The following RETSAT variants were observed in gnomAD, a reference collection of about 807,000 sequenced individuals.
RETSAT encodes the protein all-trans-retinol 13,14-reductase.
In RETSAT, 35 loss-of-function variants were observed where a neutral mutation model predicts 61.6. The ratio of observed to expected loss-of-function variants is 0.57; its 90% CI spans 0.43 to 0.75. The LOEUF (loss-of-function observed/expected upper bound fraction) is 0.75, where lower values mean the gene tolerates loss of function less well. Among genes scored for constraint, RETSAT ranks in the 30% least tolerant of loss-of-function variants. The pLI is 0.00. For synonymous variants in RETSAT, 277 were observed against 310.4 expected, an observed-to-expected ratio of 0.89 and a Z score of 1.13; for missense variants, 670 against 759.5, an observed-to-expected ratio of 0.88 and a Z score of 1.38.
chr2:85,354,229 G>C (rs774758325), intron 1 of RETSAT, 107 bp downstream of exon 1: 92 of 1,232,850 alleles, frequency 7.5e-5, no homozygotes, highest in Non-Finnish European at 9.6e-5. Context: ...TTTACATATG[G>C]GGAAACTAAG....
Position 85,343,707 on chromosome 2 carries a change from C to T in RETSAT, c.1625G>A (p.Gly542Asp), listed in dbSNP as rs1208906605. ...GACYGADHDL[G>D]RLHPCVMASL... ...GGCCATCACACAAGGGTGCAGGCGG[C>T]CCAGGTCATGGTCAGCCCCGTAGCA... Residue 542 changes from glycine (G) to aspartate (D), a missense_variant, in exon 10 of 11, where the codon GGC becomes GAC. Coordinates refer to ENST00000295802, the MANE Select transcript of RETSAT (RefSeq NM_017750.4). 6.2e-7 allele frequency: 1 copy of T among 1,614,130 alleles called. No individual in the cohort carries two copies. Among genetic ancestry groups the T allele is most frequent in the South Asian group, 1.1e-5 (1 of 91,084 alleles).
intron 5 of RETSAT, 148 bp from the exon 6 acceptor site, chr2:85,346,242 A>G (rs1683199611): frequency 1.0e-6 from 1 of 1,001,786 alleles, no homozygotes; most frequent in Admixed American, 2.4e-5. Context: ...GCCCCTGGGA[A>G]AATGCACAGT....
intron 1 of RETSAT, 96 bp downstream of exon 1, chr2:85,354,240 G>T: frequency 7.4e-7 from 1 of 1,359,228 alleles, no homozygotes; most frequent in Non-Finnish European, 1.0e-6. Context: ...GGAAACTAAG[G>T]CCCACGTCTG....
At position 85,347,005 on chromosome 2, in the gene RETSAT, C is replaced by T. The variant is rs76603094; in HGVS notation, c.998-911G>A. Among the ~76,000 whole-genome samples the T allele has an allele frequency of 2.4e-4, 36 of 152,238 alleles. No homozygotes were observed. In the East Asian group the frequency reaches 6.8e-3, roughly 29 times the overall value. On this transcript the variant is annotated intron_variant, in intron 5 of 10. Coordinates refer to ENST00000295802, the MANE Select transcript of RETSAT (RefSeq NM_017750.4). ...AAATGGCAGTTTCTTATTGTTCGACCTAATACTTCTGGATGCCTGAAAACA... is the reference window on the plus strand; with the variant it reads ...AAATGGCAGTTTCTTATTGTTCGACTTAATACTTCTGGATGCCTGAAAACA...
intron 6 of RETSAT, chr2:85,345,741 C>G (rs1271684917): frequency 1.5e-6 from 1 of 658,666 alleles, no homozygotes. Flanking sequence ...TCAGCCCTGC[C>G]CCTTTCAGCT....
rs1281159743 is a variant in RETSAT, at chr2:85,344,718, G to T, written c.1132C>A (p.Leu378Met). The change falls in exon 7 of 11, where the codon CTG becomes ATG. Residue 378 changes from leucine to methionine, a missense_variant. Coordinates refer to ENST00000295802, the MANE Select transcript of RETSAT (RefSeq NM_017750.4). ...ARCLPGVKQQ[L>M]GTVRPGLGMT... is the part of the protein sequence containing the mutation. The stretch of plus-strand genomic sequence containing the variant: ...CCTAAGCCGGGCCGCACCGTCCCCA[G>T]TTGCTGCTTCACACCTGCCAGGGGG... 2 of 1,614,034 alleles carry T rather than the reference G, an allele frequency of 1.2e-6. No individual in the cohort carries two copies. Among genetic ancestry groups the T allele is most frequent in the African/African-American group, 2.7e-5 (2 of 74,936 alleles).
rs750768086 is a variant in RETSAT at position 85,344,594 on chromosome 2, G to C, written c.1256C>G (p.Ala419Gly). 4 of 1,614,080 alleles carry C rather than the reference G, an allele frequency of 2.5e-6. No homozygotes were observed. The East Asian group carries it at 8.9e-5, about 36-fold the overall frequency. Residue 419 changes from alanine to glycine, a missense_variant and splice_region_variant, in exon 7 of 11, where the codon GCG becomes GGG. Coordinates refer to ENST00000295802, the MANE Select transcript of RETSAT (RefSeq NM_017750.4). ...ACATACACACACACGTGCACCTTAC[G>C]CCTGGTCCATGTCCGTGTCATAGTA... ...YVYYDTDMDQ[A>G]MERYVSMPRE...
At chr2:85,350,339 C>A in intron 3 of RETSAT, 98 bp from the exon 4 acceptor site, 1 of 870,090 alleles carries the variant, frequency 1.1e-6, no homozygotes, top group Non-Finnish European at 1.9e-6. Flanking sequence ...TCCAGCAACA[C>A]TTACCCCTGA....
In RETSAT at chr2:85,342,079, C is replaced by T. The variant is rs1361542014; in HGVS notation, c.*1163G>A. The T allele has an allele frequency of 2.7e-6, 1 of 374,680 alleles. No homozygotes were observed. The highest frequency in any genetic ancestry group is 4.8e-6 in the Non-Finnish European group (1 of 209,730). The allele number at this position is 374,680 out of a possible 1,614,324, so 23.2% of individuals were successfully genotyped here. ...AGTTTTGTTTTCTTGAACAAAAAAC[C>T]AAAATAAATTTCAAATGTTAAAGCA... On this transcript the variant is annotated 3_prime_UTR_variant, in exon 11 of 11. Transcript: ENST00000295802.
chr2:85,343,478 G>C, intron 10 of RETSAT, 97 bp from the exon 11 acceptor site: 1 of 1,538,954 alleles, frequency 6.5e-7, no homozygotes, highest in Non-Finnish European at 8.8e-7. Context: ...GGGCCACCCA[G>C]AGCTGGCTCC....
chr2:85,351,531 T>C (rs1053356851), intron 2 of RETSAT, 149 bp downstream of exon 2: 14 of 770,966 alleles, frequency 1.8e-5, no homozygotes, highest in Non-Finnish European at 2.9e-5. Flanking sequence ...GAAGTGAGAC[T>C]CTGTCTGAAA....
intron 5 of RETSAT, among the ~76,000 whole-genome samples, chr2:85,346,536 T>C (rs1057402974): frequency 6.6e-6 from 1 of 152,160 alleles, no homozygotes; most frequent in African/African-American, 2.4e-5. Context: ...AGAGGACTGA[T>C]TGCTTGTGTA....
chr2:85,351,445 G>T, intron 2 of RETSAT: 2 of 495,838 alleles, frequency 4.0e-6, no homozygotes, highest in Non-Finnish European at 7.1e-6. Context: ...GGAGACTGAG[G>T]CATGAGAATC....
At position 85,350,153 on chromosome 2, in the gene RETSAT, G is replaced by A. The variant is rs559391700; in HGVS notation, c.686C>T (p.Thr229Ile). ...VQLLDRCGLL[T>I]RFSPFLQAST... is the part of the protein sequence containing the mutation. ...TGCTTGAAGGAATGGAGAGAAACGA[G>A]TCAGCAGCCCACACCTGTCGAGGAG... Residue 229 changes from threonine (T) to isoleucine (I), a missense_variant, in exon 4 of 11, where the codon ACT becomes ATT. Transcript: ENST00000295802. The A allele has an allele frequency of 1.3e-5, 21 of 1,614,028 alleles. No individual in the cohort carries two copies. The East Asian group carries it at 3.1e-4, about 24-fold the overall frequency.
chr2:85,352,358 T>C (rs145918353), intron 1 of RETSAT, among the ~76,000 whole-genome samples: 5,179 of 151,344 alleles, frequency 0.034, 238 homozygotes, highest in African/African-American at 0.1. Flanking sequence ...ATTCTCCTGC[T>C]TCAGCCTCCC....
rs762286467 is a variant in RETSAT at position 85,343,227 on chromosome 2, T to G, written c.*15A>C. 1 of 1,612,920 alleles carries G rather than the reference T, an allele frequency of 6.2e-7. No homozygotes were observed. The highest frequency in any genetic ancestry group is 1.7e-5 in the Admixed American group (1 of 59,982). On this transcript the variant is annotated 3_prime_UTR_variant, in exon 11 of 11. Coordinates refer to ENST00000295802, the MANE Select transcript of RETSAT (RefSeq NM_017750.4). Reference sequence around the variant, plus strand: ...CAGCCATTGGGCAAATTCCTCTGACTCCTCCCTGATGGAACTAATTCTTTT... The same window carrying G: ...CAGCCATTGGGCAAATTCCTCTGACGCCTCCCTGATGGAACTAATTCTTTT...
In RETSAT at chr2:85,343,060, G is replaced by T; in HGVS notation, c.*182C>A. The T allele has an allele frequency of 2.7e-6, 2 of 736,952 alleles. No homozygotes were observed. The highest frequency in any genetic ancestry group is 2.2e-6 in the Non-Finnish European group (1 of 456,374). 45.7% of individuals were successfully genotyped at this position (736,952 alleles called of 1,614,324 possible). On this transcript the variant is annotated 3_prime_UTR_variant, in exon 11 of 11. Coordinates refer to ENST00000295802, the MANE Select transcript of RETSAT (RefSeq NM_017750.4). Reference sequence around the variant, plus strand: ...GTAAAGATCTCACCTGCCCCAGCTGGAAGCAGTGATTCCATTGCCCCAGAT... The same window carrying T: ...GTAAAGATCTCACCTGCCCCAGCTGTAAGCAGTGATTCCATTGCCCCAGAT...
intron 5 of RETSAT, 40 bp from the exon 6 acceptor site, chr2:85,346,134 G>A: frequency 3.1e-6 from 5 of 1,588,282 alleles, no homozygotes; most frequent in Non-Finnish European, 3.4e-6. Flanking sequence ...TGTGAGCTCT[G>A]GGATGAAGAG....
At chr2:85,343,546 A>AG in intron 10 of RETSAT, 93 bp downstream of exon 10, 1 of 1,549,620 alleles carries the variant, frequency 6.5e-7, no homozygotes, top group Non-Finnish European at 8.9e-7. Flanking sequence ...GGGAGGCTGC[A>AG]GGGGACAGCA....
Sources: allele counts gnomAD v4.1 joint callset (sites outside exome capture counted in the v4.1 genomes callset), GRCh38; gene constraint gnomAD v4.1.1; transcripts MANE v1.5; gene names NCBI Gene and HGNC (gene_info 2026-07-23, HGNC 2026-07-21).